The following SKOR2 variants were observed in gnomAD, a reference collection of about 807,000 sequenced individuals.
The protein encoded by SKOR2 is LBX1 corepressor 1-like protein.
A neutral mutation model predicts 69.1 loss-of-function variants in SKOR2; 47 were observed. That is an observed-to-expected ratio of 0.68 (90% CI 0.54 to 0.87). SKOR2 has a LOEUF of 0.87. Ranked by LOEUF, SKOR2 falls within the 40% of genes least tolerant of loss-of-function variation. The probability of loss-of-function intolerance (pLI) is 0.00; values close to 1 mark genes in which losing one functional copy is unlikely to be tolerated. For missense variants in SKOR2, 1,404 were observed against 1,472.2 expected, an observed-to-expected ratio of 0.95 and a Z score of 0.76; for synonymous variants, 717 against 672.6, an observed-to-expected ratio of 1.07 and a Z score of -1.02.
chr18:47,229,611 G>C (rs768589504), intron 6 of SKOR2, among the ~76,000 whole-genome samples: 23 of 151,980 alleles, frequency 1.5e-4, no homozygotes, highest in Non-Finnish European at 2.9e-4. Flanking sequence ...CTGAGATTGT[G>C]CCACTGCACT....
intron 4 of SKOR2, among the ~76,000 whole-genome samples, chr18:47,243,653 A>G (rs1343773650): frequency 6.6e-6 from 1 of 152,200 alleles, no homozygotes; most frequent in Non-Finnish European, 1.5e-5. Context: ...GTGACTTTAG[A>G]GTGTAACAGG....
In SKOR2 at chr18:47,212,024, A is replaced by AT. The variant is rs372036846; in HGVS notation, c.*3+61dup. ...GCTATTTCAAACACATCAATAAAGA[A>AT]TATGTTCAAGCACACAACAATACAG... On this transcript the variant is annotated intron_variant, in intron 8 of 8. Transcript: ENST00000425639. 2.5e-6 allele frequency: 3 copies of AT among 1,222,036 alleles called. No homozygotes were observed. In the African/African-American group the frequency reaches 4.7e-5, roughly 19 times the overall value. The allele number at this position is 1,222,036 out of a possible 1,614,324, so 75.7% of individuals were successfully genotyped here.
intron 6 of SKOR2, among the ~76,000 whole-genome samples, chr18:47,223,278 A>G (rs1194824115): frequency 6.6e-6 from 1 of 152,216 alleles, no homozygotes; most frequent in Non-Finnish European, 1.5e-5. Flanking sequence ...TGCTAGACAC[A>G]TGAAAAATGT....
rs2064288503 is a variant in SKOR2, at chr18:47,247,869, C to A, written c.1315G>T (p.Ala439Ser). The A allele has an allele frequency of 1.8e-5, 24 of 1,359,698 alleles. No homozygotes were observed. The highest frequency in any genetic ancestry group is 2.3e-5 in the Non-Finnish European group (24 of 1,066,222). 84.2% of individuals were successfully genotyped at this position (1,359,698 alleles called of 1,614,324 possible). ...TTGGGCGCCGCGCCCGCGCCGCCTG[C>A]GCCCGCGCCCCCCAGGGCCTCAGCG... ...AAAEALGGAGAGGAGAAPKAG... is the reference protein window; with the variant it reads ...AAAEALGGAGSGGAGAAPKAG... Residue 439 changes from alanine to serine, a missense_variant, in exon 2 of 9, where the codon GCA becomes TCA. This residue lies in a region of SKOR2 where 1,266 missense variants were observed against 1,309.9 expected (regional missense o/e 0.97). Transcript: ENST00000425639. This position sits in a 1 kb window ranked among gnomAD's most constrained non-coding sequence, Gnocchi z 6.6.
intron 8 of SKOR2, among the ~76,000 whole-genome samples, chr18:47,209,960 G>A (rs969234020): frequency 6.6e-6 from 1 of 152,040 alleles, no homozygotes; most frequent in Non-Finnish European, 1.5e-5. Flanking sequence ...GCATGGTGGC[G>A]TGCACGCCTA....
chr18:47,211,708 G>T (rs899629082), intron 8 of SKOR2, among the ~76,000 whole-genome samples: 2 of 152,148 alleles, frequency 1.3e-5, no homozygotes, highest in African/African-American at 4.8e-5. Flanking sequence ...TTTCAGGCAG[G>T]CTTTTTGGAA....
chr18:47,226,612 T>C (rs2064179679), intron 6 of SKOR2, among the ~76,000 whole-genome samples: 1 of 152,196 alleles, frequency 6.6e-6, no homozygotes, highest in South Asian at 2.1e-4. Flanking sequence ...TCACTCCCTG[T>C]TCCTCCCTCT....
At chr18:47,242,192 G>A (rs2064252187) in intron 4 of SKOR2, among the ~76,000 whole-genome samples, 1 of 152,026 alleles carries the variant, frequency 6.6e-6, no homozygotes, top group Non-Finnish European at 1.5e-5. Context: ...CTTAAAGCCA[G>A]GAATTTGTTT....
intron 8 of SKOR2, among the ~76,000 whole-genome samples, chr18:47,210,105 A>C (rs1003298776): frequency 6.6e-6 from 1 of 152,138 alleles, no homozygotes; most frequent in Non-Finnish European, 1.5e-5. Flanking sequence ...ACCCCATTCT[A>C]ATGTATGAAT....
At position 47,230,951 on chromosome 18, in the gene SKOR2, T is replaced by C; in HGVS notation, c.2802A>G (p.Val934=). 5.2e-6 allele frequency: 8 copies of C among 1,535,896 alleles called. No individual in the cohort carries two copies. The highest frequency in any genetic ancestry group is 7.0e-6 in the Non-Finnish European group (8 of 1,146,784). ...TNSPHSLKKD[V]ENMGKEELQK... ...TTCATTTACCTTTCCCCATATTTTC[T>C]ACATCCTTTTTCAGTGAATGAGGTG... The change falls in exon 5 of 9, where the codon GTA becomes GTG. Residue 934 remains valine, a synonymous_variant. Transcript: ENST00000425639.
At chr18:47,223,579 T>C (rs2064168552) in intron 6 of SKOR2, among the ~76,000 whole-genome samples, 1 of 152,250 alleles carries the variant, frequency 6.6e-6, no homozygotes, top group Non-Finnish European at 1.5e-5. Context: ...CAAACCTTAA[T>C]GTCCAACATA....
At chr18:47,221,095 G>C (rs1028268969) in intron 6 of SKOR2, among the ~76,000 whole-genome samples, 1 of 152,072 alleles carries the variant, frequency 6.6e-6, no homozygotes, top group Non-Finnish European at 1.5e-5. Context: ...ACACTTTCAG[G>C]ATAGTAAATC....
intron 6 of SKOR2, among the ~76,000 whole-genome samples, chr18:47,223,993 C>T (rs1432280413): frequency 6.6e-6 from 1 of 151,696 alleles, no homozygotes; most frequent in Non-Finnish European, 1.5e-5. Context: ...ACAACCTCTG[C>T]CTCCTGGGTT....
chr18:47,216,676 G>T (rs2064145002), intron 7 of SKOR2, among the ~76,000 whole-genome samples: 1 of 152,062 alleles, frequency 6.6e-6, no homozygotes, highest in Non-Finnish European at 1.5e-5. Context: ...TTTTTGAATA[G>T]AAACACTTTT....
At chr18:47,243,870 A>G (rs2064259539) in intron 4 of SKOR2, among the ~76,000 whole-genome samples, 1 of 152,228 alleles carries the variant, frequency 6.6e-6, no homozygotes, top group African/African-American at 2.4e-5. Context: ...CCACTAACCA[A>G]TGATATGCTA....
At chr18:47,210,681 G>T (rs2064125180) in intron 8 of SKOR2, among the ~76,000 whole-genome samples, 1 of 152,136 alleles carries the variant, frequency 6.6e-6, no homozygotes, top group Admixed American at 6.6e-5. Context: ...GTCAACTTCA[G>T]ACTTAATAAA....
At position 47,230,483 on chromosome 18, in the gene SKOR2, CT is replaced by C; in HGVS notation, c.2892del (p.Gly965GlufsTer15). 6.9e-7 allele frequency: 1 copy of C among 1,449,496 alleles called. No individual in the cohort carries two copies. The highest frequency in any genetic ancestry group is 9.0e-7 in the Non-Finnish European group (1 of 1,108,274). 89.8% of individuals were successfully genotyped at this position (1,449,496 alleles called of 1,614,324 possible). ...CTGAATACTGGGAAAGATGTGTTTC[CT>C]TTTAACACCTGGAATTCTTGTTCCA... ...RRLEQEFQVL[K>X]GNTSFPVFNN... is the part of the protein sequence containing the mutation. On this transcript the variant is annotated frameshift_variant, in exon 6 of 9. Transcript: ENST00000425639. LOFTEE classifies it high-confidence loss of function.
At chr18:47,213,091 A>G (rs2064132861) in intron 7 of SKOR2, among the ~76,000 whole-genome samples, 1 of 152,130 alleles carries the variant, frequency 6.6e-6, no homozygotes, top group African/African-American at 2.4e-5. Flanking sequence ...AGCTGATCAC[A>G]GTTGGTATGC....
intron 8 of SKOR2, among the ~76,000 whole-genome samples, chr18:47,210,525 T>C (rs948990834): frequency 3.3e-5 from 5 of 152,130 alleles, no homozygotes; most frequent in Non-Finnish European, 5.9e-5. Context: ...ACATATGGAG[T>C]TTATCAGAAT....
Sources: gnomAD v4.1 joint callset for allele counts (sites outside exome capture counted in the v4.1 genomes callset) on GRCh38, gnomAD v4.1.1 for gene constraint, gnomAD v4.1.1 regional missense constraint, Gnocchi (gnomAD v3.1) non-coding constraint, MANE v1.5 for transcripts, NCBI Gene and HGNC (gene_info 2026-07-23, HGNC 2026-07-21) for gene names.